SLC38A2: variants seen among roughly 807,000 people sequenced by gnomAD.
SLC38A2 encodes the protein solute carrier family 38 member 2.
A neutral mutation model predicts 61.5 loss-of-function variants in SLC38A2; 11 were observed. The observed-to-expected ratio is 0.18, with a 90% CI of 0.11 to 0.30. The LOEUF is 0.30. Ranked by LOEUF, SLC38A2 falls within the 10% of genes least tolerant of loss-of-function variation. The pLI, the probability that SLC38A2 is intolerant of heterozygous loss-of-function variation, is 1.00. For missense variants in SLC38A2, 522 were observed against 600.4 expected, an observed-to-expected ratio of 0.87 and a Z score of 1.36; for synonymous variants, 217 against 212.5, an observed-to-expected ratio of 1.02 and a Z score of -0.18.
chr12:46,358,739 A>G lies in SLC38A2; in HGVS notation c.*2372T>C, dbSNP rs1400375432. ...ACATATGGACAGACAATATATGTAC[A>G]TAGATTATCATAAATATTGAAAAAT... On this transcript the variant is annotated 3_prime_UTR_variant, in exon 16 of 16. Coordinates refer to ENST00000256689, the MANE Select transcript of SLC38A2 (RefSeq NM_018976.5). 1.3e-5 allele frequency: 2 copies of G among 152,670 alleles called. No individual in the cohort carries two copies. Among genetic ancestry groups the G allele is most frequent in the Non-Finnish European group, 2.9e-5 (2 of 68,040 alleles). 9.5% of individuals were successfully genotyped at this position (152,670 alleles called of 1,614,324 possible). A position where few individuals can be genotyped will look rare whatever the true frequency, so the allele number is the denominator to read the frequency against.
At chr12:46,371,052 T>C (rs1943191382) in intron 2 of SLC38A2, 126 bp downstream of exon 2, 1 of 921,050 alleles carries the variant, frequency 1.1e-6, no homozygotes, top group Admixed American at 2.1e-5. Flanking sequence ...TCGGATACTC[T>C]TTCAGAGATT....
intron 1 of SLC38A2, chr12:46,371,669 G>T: frequency 4.4e-6 from 1 of 229,530 alleles, no homozygotes; most frequent in Non-Finnish European, 8.5e-6. Flanking sequence ...GAGGGGGCGA[G>T]GGGGGGTTCT....
chr12:46,371,497 A>G (rs917161566), intron 1 of SLC38A2, 118 bp from the exon 2 acceptor site: 10 of 536,144 alleles, frequency 1.9e-5, no homozygotes, highest in Admixed American at 1.5e-4. Context: ...GAAAAGTACC[A>G]GCCGCGCGCG....
rs959929424 is a variant in SLC38A2 at position 46,358,437 on chromosome 12, CTTAT to C, written c.*2670_*2673del. On this transcript the variant is annotated 3_prime_UTR_variant, in exon 16 of 16. Transcript: ENST00000256689. ...ATTACTGCATTTTGAAAATGTATTC[CTTAT>C]TTAAATTTTAAATAAGAGATCTGAA... 12 of 152,428 alleles carry C rather than the reference CTTAT, an allele frequency of 7.9e-5. No homozygotes were observed. The highest frequency in any genetic ancestry group is 2.4e-4 in the African/African-American group (10 of 41,376). 9.4% of individuals were successfully genotyped at this position (152,428 alleles called of 1,614,324 possible).
Position 46,372,521 on chromosome 12 carries a change from T to C in SLC38A2, c.-99A>G. 1 of 380,962 alleles carries C rather than the reference T, an allele frequency of 2.6e-6. No individual in the cohort carries two copies. Among genetic ancestry groups the C allele is most frequent in the Non-Finnish European group, 4.6e-6 (1 of 215,270 alleles). The allele number at this position is 380,962 out of a possible 1,614,324, so 23.6% of individuals were successfully genotyped here. A position where few individuals can be genotyped will look rare whatever the true frequency, so the allele number is the denominator to read the frequency against. ...CCGCACGCGTTACCTCGGTGGTCTC[T>C]ATTCTCACGCAGACGTCTTCAGTGG... On this transcript the variant is annotated 5_prime_UTR_variant, in exon 1 of 16. In the 5' UTR this introduces an upstream ATG that the reference lacks. Coordinates refer to ENST00000256689, the MANE Select transcript of SLC38A2 (RefSeq NM_018976.5).
In SLC38A2 at chr12:46,364,459, A is replaced by C. The variant is rs1251218045; in HGVS notation, c.803T>G (p.Val268Gly). The change falls in exon 10 of 16, where the codon GTA becomes GGA. Residue 268 changes from valine to glycine, a missense_variant. Physicochemically the swap from Val to Gly is moderately radical, Grantham distance 109 (BLOSUM62 -3). Transcript: ENST00000256689. Reference sequence around the variant, plus strand: ...AGTCACGTTATGTGACAAAGCAGGTACAAGAGCTGTTGGCTGTGTTAAGGT... The same window carrying C: ...AGTCACGTTATGTGACAAAGCAGGTCCAAGAGCTGTTGGCTGTGTTAAGGT... ...NTTLTQPTAL[V>G]PALSHNVTEN... 3.1e-6 allele frequency: 5 copies of C among 1,612,704 alleles called. No homozygotes were observed. Among genetic ancestry groups the C allele is most frequent in the Non-Finnish European group, 3.4e-6 (4 of 1,179,378 alleles).
At chr12:46,370,738 T>G (rs1943186475) in intron 3 of SLC38A2, 38 bp downstream of exon 3, 1 of 1,561,552 alleles carries the variant, frequency 6.4e-7, no homozygotes, top group Non-Finnish European at 8.8e-7. Flanking sequence ...TTTTACTCCA[T>G]AAAGCCACTG....
intron 7 of SLC38A2, 79 bp downstream of exon 7, chr12:46,366,785 G>A: frequency 8.0e-7 from 1 of 1,251,858 alleles, no homozygotes; most frequent in Non-Finnish European, 1.1e-6. Flanking sequence ...TAATCATTTT[G>A]TATACAACTT....
In SLC38A2 at chr12:46,371,183, C is replaced by G; in HGVS notation, c.111G>C (p.Leu37=). The change falls in exon 2 of 16, where the codon CTG becomes CTC. Residue 37 remains leucine, a synonymous_variant. Transcript: ENST00000256689. ...AGTGTCACAACTTCTCCCACCTTTT[C>G]AGAGCAGCTTGCTTGGTGGGGTAGG... The part of the protein sequence containing the change: ...NYSYPTKQAA[L]KSHYADVDPE... The G allele has an allele frequency of 3.7e-6, 6 of 1,614,158 alleles. No homozygotes were observed. The highest frequency in any genetic ancestry group is 2.5e-6 in the Non-Finnish European group (3 of 1,179,950).
rs777702731 is a variant in SLC38A2, at chr12:46,362,274, T to C, written c.1422+10A>G. 20 of 1,587,562 alleles carry C rather than the reference T, an allele frequency of 1.3e-5. 1 individual carries two copies. Among genetic ancestry groups the C allele is most frequent in the Non-Finnish European group, 1.5e-5 (18 of 1,165,254 alleles). ...TATTACTGTTTCTATGGTTATAATC[T>C]TTCACTCACCCCAATCTTTTGTACA... On this transcript the variant is annotated intron_variant, in intron 15 of 15. Coordinates refer to ENST00000256689, the MANE Select transcript of SLC38A2 (RefSeq NM_018976.5).
intron 1 of SLC38A2, chr12:46,371,725 G>GCA (rs756393535): frequency 8.2e-5 from 17 of 206,286 alleles, no homozygotes; most frequent in Non-Finnish European, 1.6e-4. Flanking sequence ...GGCACTCAGG[G>GCA]CACACATCCA....
At position 46,362,444 on chromosome 12, in the gene SLC38A2, T is replaced by C. The variant is rs1403189488; in HGVS notation, c.1324+50A>G. On this transcript the variant is annotated intron_variant, in intron 14 of 15. Transcript: ENST00000256689. ...AACCACTCGTCATTCATTCTTTAAA[T>C]CTTAAAATCCCTGATGTTTGAATCC... is the stretch of plus-strand genomic sequence containing the variant. 3.1e-6 allele frequency: 5 copies of C among 1,594,160 alleles called. No individual in the cohort carries two copies. The Admixed American group carries it at 5.5e-5, about 17-fold the overall frequency.
In SLC38A2 at chr12:46,364,064, C is replaced by T. The variant is rs548831127; in HGVS notation, c.874-61G>A. 13 of 1,361,142 alleles carry T rather than the reference C, an allele frequency of 9.6e-6. No homozygotes were observed. In the East Asian group the frequency reaches 1.2e-4, roughly 13 times the overall value. The allele number at this position is 1,361,142 out of a possible 1,614,324, so 84.3% of individuals were successfully genotyped here. A position where few individuals can be genotyped will look rare whatever the true frequency, so the allele number is the denominator to read the frequency against. Reference sequence around the variant, plus strand: ...TAACGAACTCATGCTGTCACATTTCCGCAGCATATATTTTATGTAAACAAT... The same window carrying T: ...TAACGAACTCATGCTGTCACATTTCTGCAGCATATATTTTATGTAAACAAT... On this transcript the variant is annotated intron_variant, in intron 10 of 15. Transcript: ENST00000256689.
intron 2 of SLC38A2, 138 bp from the exon 3 acceptor site, chr12:46,370,995 T>C: frequency 1.2e-6 from 1 of 840,706 alleles, no homozygotes; most frequent in Non-Finnish European, 1.9e-6. Context: ...AAATATTAAC[T>C]AGGAGTTGAC....
chr12:46,362,904 C>A, intron 13 of SLC38A2, 117 bp downstream of exon 13: 1 of 1,331,876 alleles, frequency 7.5e-7, no homozygotes, highest in Non-Finnish European at 1.0e-6. Context: ...TTCAAAACCA[C>A]CACCAACTTA....
intron 1 of SLC38A2, chr12:46,371,752 G>A (rs897985271): frequency 8.5e-5 from 15 of 175,704 alleles, no homozygotes; most frequent in Non-Finnish European, 2.4e-5. Flanking sequence ...ACCCTGGCTC[G>A]TGTGCATGCA....
intron 15 of SLC38A2, among the ~76,000 whole-genome samples, 190 bp from the exon 16 acceptor site, chr12:46,361,399 T>C (rs542486795): frequency 6.6e-6 from 1 of 152,314 alleles, no homozygotes; most frequent in Non-Finnish European, 1.5e-5. Context: ...AATAACTACC[T>C]TTGAGGCCTT....
chr12:46,365,635 G>A (rs1034057869), intron 7 of SLC38A2, among the ~76,000 whole-genome samples: 4 of 151,924 alleles, frequency 2.6e-5, no homozygotes, highest in Admixed American at 1.3e-4. Context: ...TTCCAGATGC[G>A]TTAGCAAATA....
chr12:46,366,421 T>C (rs1943138934), intron 7 of SLC38A2, among the ~76,000 whole-genome samples: 1 of 152,152 alleles, frequency 6.6e-6, no homozygotes, highest in African/African-American at 2.4e-5. Flanking sequence ...AGTGTCATGT[T>C]GGCACTCAAA....
Sources: gnomAD v4.1 joint callset for allele counts (sites outside exome capture counted in the v4.1 genomes callset) on GRCh38, gnomAD v4.1.1 for gene constraint, MANE v1.5 for transcripts, NCBI Gene and HGNC (gene_info 2026-07-23, HGNC 2026-07-21) for gene names.